PIK3C2G: variants seen among roughly 807,000 people sequenced by gnomAD.
PIK3C2G encodes phosphatidylinositol 3-kinase C2 domain-containing subunit gamma.
A neutral mutation model predicts 181.1 loss-of-function variants in PIK3C2G; 168 were observed. The ratio of observed to expected loss-of-function variants is 0.93; its 90% CI spans 0.82 to 1.05. The LOEUF is 1.05. PIK3C2G is among the 50% of genes least tolerant of loss of function. The pLI, the probability that PIK3C2G is intolerant of heterozygous loss-of-function variation, is 0.00. For missense variants in PIK3C2G, 1,869 were observed against 1,732.8 expected (o/e 1.08, Z -1.40); for synonymous variants, 573 against 592.2 (o/e 0.97, Z 0.47).
the PIK3C2G span, among the ~76,000 whole-genome samples, chr12:18,706,181 G>A: frequency 4.6e-5 from 7 of 151,536 alleles, no homozygotes; most frequent in Admixed American, 2.0e-4. Flanking sequence ...GCAGTGAGCC[G>A]AGATTGCACC....
At chr12:18,308,911 A>G (rs758298113) in intron 5 of PIK3C2G, among the ~76,000 whole-genome samples, 1 of 151,722 alleles carries the variant, frequency 6.6e-6, no homozygotes, top group African/African-American at 2.4e-5. Context: ...AATCTTTTAA[A>G]TGTCTGGTTT....
intron 14 of PIK3C2G, among the ~76,000 whole-genome samples, chr12:18,389,564 A>G (rs1411637439): frequency 2.8e-4 from 42 of 152,214 alleles, no homozygotes. Context: ...AAAATAATAG[A>G]TATTACTTAT....
chr12:18,659,544 G>A, the PIK3C2G span, among the ~76,000 whole-genome samples: 9 of 151,778 alleles, frequency 5.9e-5, no homozygotes, highest in African/African-American at 1.9e-4. Context: ...CTTCCTTCAA[G>A]TTTTATCAAT....
the PIK3C2G span, among the ~76,000 whole-genome samples, chr12:18,692,055 C>A: frequency 1.3e-5 from 2 of 152,104 alleles, no homozygotes; most frequent in South Asian, 4.1e-4. Flanking sequence ...GGAGCTGAGC[C>A]AGGAAAAGTC....
chr12:18,275,704 G>A (rs1948957948), intron 1 of PIK3C2G, among the ~76,000 whole-genome samples: 1 of 152,044 alleles, frequency 6.6e-6, no homozygotes, highest in Non-Finnish European at 1.5e-5. Context: ...TCTTACTCCT[G>A]TTTTTCTCCC....
At chr12:18,524,863 G>A (rs933881952) in intron 24 of PIK3C2G, among the ~76,000 whole-genome samples, 3 of 150,402 alleles carry the variant, frequency 2.0e-5, no homozygotes, top group East Asian at 2.0e-4. Context: ...CCACCCACCC[G>A]GCCTGTGCCT....
chr12:18,702,257 G>C, the PIK3C2G span, among the ~76,000 whole-genome samples: 10 of 151,466 alleles, frequency 6.6e-5, no homozygotes, highest in Non-Finnish European at 1.2e-4. Context: ...CGTAATAAAG[G>C]CTCTTCAAAT....
At chr12:18,693,354 C>G in the PIK3C2G span, 2 of 1,597,724 alleles carry the variant, frequency 1.3e-6, no homozygotes, top group Non-Finnish European at 1.7e-6. Context: ...GTTGGACAAC[C>G]AAATTCGGGA....
At chr12:18,327,402 A>G (rs1951394401) in intron 8 of PIK3C2G, among the ~76,000 whole-genome samples, 1 of 152,112 alleles carries the variant, frequency 6.6e-6, no homozygotes, top group East Asian at 1.9e-4. Flanking sequence ...ATTATTACAC[A>G]TGATTTGAAA....
At chr12:18,403,800 T>A (rs1944379128) in intron 16 of PIK3C2G, among the ~76,000 whole-genome samples, 1 of 151,900 alleles carries the variant, frequency 6.6e-6, no homozygotes, top group South Asian at 2.1e-4. Flanking sequence ...GAGAAGGGGG[T>A]GCTGTCAGGA....
At chr12:18,645,233 A>T (rs1591761743) in intron 32 of PIK3C2G, among the ~76,000 whole-genome samples, 1 of 152,138 alleles carries the variant, frequency 6.6e-6, no homozygotes, top group Non-Finnish European at 1.5e-5. Flanking sequence ...AAAGAATATA[A>T]TCATCTCTGT....
At chr12:18,571,286 A>C (rs11044191) in intron 29 of PIK3C2G, among the ~76,000 whole-genome samples, 1 of 150,488 alleles carries the variant, frequency 6.6e-6, no homozygotes, top group Non-Finnish European at 1.5e-5. Flanking sequence ...AAATTTTGCA[A>C]TGTTTTATGA....
chr12:18,466,682 G>T (rs936499837), intron 18 of PIK3C2G, among the ~76,000 whole-genome samples: 3 of 151,912 alleles, frequency 2.0e-5, no homozygotes, highest in African/African-American at 7.2e-5. Context: ...TTGGATGGAT[G>T]ATTTATTTAG....
intron 25 of PIK3C2G, among the ~76,000 whole-genome samples, chr12:18,538,554 T>C (rs1943987880): frequency 6.6e-6 from 1 of 152,028 alleles, no homozygotes; most frequent in African/African-American, 2.4e-5. Context: ...GTAGGGGTTA[T>C]CCCACTATAT....
At chr12:18,462,940 T>C (rs1025673145) in intron 18 of PIK3C2G, among the ~76,000 whole-genome samples, 1 of 117,026 alleles carries the variant, frequency 8.5e-6, no homozygotes, top group Non-Finnish European at 1.9e-5. Flanking sequence ...TTAAAAAAAA[T>C]AAGTGCTATA....
At chr12:18,292,227 A>AAAAATAT in intron 4 of PIK3C2G, among the ~76,000 whole-genome samples, 10 of 48,730 alleles carry the variant, frequency 2.1e-4, no homozygotes, top group African/African-American at 9.9e-4. Flanking sequence ...AAAAAAAAAA[A>AAAAATAT]ATATATATAT....
chr12:18,456,197 A>C (rs544215360), intron 18 of PIK3C2G, among the ~76,000 whole-genome samples: 1 of 152,314 alleles, frequency 6.6e-6, no homozygotes, highest in East Asian at 1.9e-4. Flanking sequence ...CAAATGTCCA[A>C]GGTCATGAAG....
chr12:18,337,438 G>A (rs1030485761), intron 8 of PIK3C2G, among the ~76,000 whole-genome samples: 6 of 152,054 alleles, frequency 3.9e-5, no homozygotes, highest in Non-Finnish European at 7.4e-5. Context: ...CCATTTTTGT[G>A]TTGCTATAAA....
chr12:18,276,939 A>G (rs999576895), intron 1 of PIK3C2G, among the ~76,000 whole-genome samples: 1 of 152,318 alleles, frequency 6.6e-6, no homozygotes, highest in African/African-American at 2.4e-5. Context: ...CTTCTATAAG[A>G]TTATAGGTGA....
Sources: allele counts gnomAD v4.1 joint callset (sites outside exome capture counted in the v4.1 genomes callset), GRCh38; gene constraint gnomAD v4.1.1; transcripts MANE v1.5; gene names NCBI Gene and HGNC (gene_info 2026-07-23, HGNC 2026-07-21).